Variants in MYO9A observed in about 807,000 individuals in gnomAD.
The protein encoded by MYO9A is unconventional myosin-IXa.
A neutral mutation model predicts 293.3 loss-of-function variants in MYO9A; 103 were observed. That is an observed-to-expected ratio of 0.35 (90% CI 0.30 to 0.41). The LOEUF is 0.41. MYO9A is among the 10% of genes least tolerant of loss of function. The probability of loss-of-function intolerance (pLI) is 1.00; values close to 1 mark genes in which losing one functional copy is unlikely to be tolerated. For synonymous variants in MYO9A, 1,001 were observed against 1,035.7 expected (o/e 0.97, Z 0.64); for missense variants, 2,685 against 3,033.0 (o/e 0.89, Z 2.69).
At chr15:72,096,124 A>G (rs996950573) in intron 1 of MYO9A, among the ~76,000 whole-genome samples, 5 of 149,038 alleles carry the variant, frequency 3.4e-5, no homozygotes, top group African/African-American at 1.2e-4. Context: ...TCACGCCACT[A>G]TACTCTCCAG....
chr15:72,045,223 G>A (rs140933022), intron 2 of MYO9A: 20 of 151,900 alleles, frequency 1.3e-4, no homozygotes, highest in African/African-American at 4.6e-4. Context: ...GTACAGTTAT[G>A]TTTTTATAGT....
intron 13 of MYO9A, among the ~76,000 whole-genome samples, chr15:71,963,718 C>T (rs1375688825): frequency 6.6e-6 from 1 of 152,212 alleles, no homozygotes; most frequent in African/African-American, 2.4e-5. Context: ...TCCCAAAGTG[C>T]TGGGATTACA....
intron 33 of MYO9A, among the ~76,000 whole-genome samples, chr15:71,860,963 T>A: frequency 3.8e-5 from 2 of 52,786 alleles, no homozygotes; most frequent in African/African-American, 1.1e-4. Flanking sequence ...TTAGACTCCA[T>A]CTCACCAAAA....
chr15:72,056,479 T>C (rs1234636490), intron 1 of MYO9A, among the ~76,000 whole-genome samples: 1 of 152,186 alleles, frequency 6.6e-6, no homozygotes, highest in African/African-American at 2.4e-5. Flanking sequence ...CTAAGTGAAG[T>C]AACTCAGGAA....
At position 71,935,431 on chromosome 15, in the gene MYO9A, A is replaced by G. The variant is rs1482418395; in HGVS notation, c.2432T>C (p.Leu811Pro). The G allele has an allele frequency of 1.2e-6, 2 of 1,613,644 alleles. No individual in the cohort carries two copies. The highest frequency in any genetic ancestry group is 2.7e-5 in the African/African-American group (2 of 74,912). ...ATCAAGCAAGGAGGTGCCACTTGATAGTCTGCTCTGGCGAATCCCAGTTCT... is the reference window on the plus strand; with the variant it reads ...ATCAAGCAAGGAGGTGCCACTTGATGGTCTGCTCTGGCGAATCCCAGTTCT... ...NGRTGIRQSR[L>P]SSGTSLLDKD... Residue 811 changes from leucine to proline, a missense_variant, in exon 17 of 42, where the codon CTA (leucine) becomes CCA (proline). By Grantham distance (98) the Leu-to-Pro change is moderately conservative. Around this residue, in one of 10 missense-constraint regions of MYO9A, gnomAD observed 1,434 missense variants for 1,497.7 expected, o/e 0.96. Coordinates refer to ENST00000356056, the MANE Select transcript of MYO9A (RefSeq NM_006901.4).
In MYO9A at chr15:71,822,421, T is replaced by G. The variant is rs1453072778; in HGVS notation, c.*4159A>C. 1 of 151,932 alleles carries G rather than the reference T, an allele frequency of 6.6e-6. No homozygotes were observed. The highest frequency in any genetic ancestry group is 2.4e-5 in the African/African-American group (1 of 41,350). 9.4% of individuals were successfully genotyped at this position (151,932 alleles called of 1,614,324 possible). A position where few individuals can be genotyped will look rare whatever the true frequency, so the allele number is the denominator to read the frequency against. On this transcript the variant is annotated 3_prime_UTR_variant, in exon 42 of 42. Coordinates refer to ENST00000356056, the MANE Select transcript of MYO9A (RefSeq NM_006901.4). Reference sequence around the variant, plus strand: ...TATACAGATGGTATCTTGTTACCCCTCAACCCCCCAGCAAAGAAAAAAAAA... The same window carrying G: ...TATACAGATGGTATCTTGTTACCCCGCAACCCCCCAGCAAAGAAAAAAAAA...
intron 1 of MYO9A, among the ~76,000 whole-genome samples, chr15:72,077,209 T>C (rs1032771530): frequency 6.6e-6 from 1 of 152,176 alleles, no homozygotes; most frequent in Non-Finnish European, 1.5e-5. Flanking sequence ...ATCTCAGCCT[T>C]GGCAATGACG....
intron 15 of MYO9A, among the ~76,000 whole-genome samples, chr15:71,943,174 C>T (rs1452008608): frequency 6.6e-6 from 1 of 151,890 alleles, no homozygotes; most frequent in Non-Finnish European, 1.5e-5. Flanking sequence ...TTCACTCTTT[C>T]ATTTTTTTCC....
chr15:71,976,092 G>T (rs954739364), intron 12 of MYO9A, among the ~76,000 whole-genome samples: 1 of 152,200 alleles, frequency 6.6e-6, no homozygotes, highest in African/African-American at 2.4e-5. Context: ...GGGTCTGAAG[G>T]TGGGGTGAGG....
At chr15:71,986,262 G>A (rs1163497946) in intron 11 of MYO9A, among the ~76,000 whole-genome samples, 1 of 152,172 alleles carries the variant, frequency 6.6e-6, no homozygotes, top group East Asian at 1.9e-4. Flanking sequence ...CAAATACTAT[G>A]CCATTTTACA....
chr15:72,077,752 A>AAATAT (rs2079412621), intron 1 of MYO9A, among the ~76,000 whole-genome samples: 1 of 72,494 alleles, frequency 1.4e-5, no homozygotes, highest in African/African-American at 7.8e-5. Flanking sequence ...AAAAAAAAAA[A>AAATAT]ATATATATAT....
chr15:72,084,255 T>C (rs960025545), intron 1 of MYO9A, among the ~76,000 whole-genome samples: 5 of 152,222 alleles, frequency 3.3e-5, no homozygotes, highest in Non-Finnish European at 5.9e-5. Flanking sequence ...TGCCCTTCTT[T>C]GTCCTTCTTC....
intron 18 of MYO9A, among the ~76,000 whole-genome samples, chr15:71,922,840 G>C (rs2058190408): frequency 6.6e-6 from 1 of 152,076 alleles, no homozygotes. Flanking sequence ...AGGTAATTTA[G>C]TGTCTTCCTC....
chr15:71,826,991 G>GGAAGGTTCAGACTTGCCAGCTGTCTTCA lies in MYO9A; in HGVS notation c.7208_7235dup (p.Ser2413GlufsTer7), dbSNP rs753178538. 1 of 1,612,730 alleles carries GGAAGGTTCAGACTTGCCAGCTGTCTTCA rather than the reference G, an allele frequency of 6.2e-7. No individual in the cohort carries two copies. The highest frequency in any genetic ancestry group is 1.1e-5 in the South Asian group (1 of 90,824). On this transcript the variant is annotated stop_gained and frameshift_variant, in exon 42 of 42. Transcript: ENST00000356056. LOFTEE classifies it high-confidence loss of function. The stretch of plus-strand genomic sequence containing the variant: ...TTTTAAGTTGCTTTCGCAACTTGCT[G>GGAAGGTTCAGACTTGCCAGCTGTCTTCA]GAAGGTTCAGACTTGCCAGCTGTCT...
intron 7 of MYO9A, among the ~76,000 whole-genome samples, chr15:72,009,326 C>T (rs1467565096): frequency 6.6e-6 from 1 of 152,028 alleles, no homozygotes; most frequent in East Asian, 1.9e-4. Context: ...AAATAGCCTG[C>T]TAATTAAAGA....
At chr15:71,851,124 G>T in intron 37 of MYO9A, 129 bp downstream of exon 37, 1 of 713,122 alleles carries the variant, frequency 1.4e-6, no homozygotes, top group Non-Finnish European at 2.3e-6. Context: ...CCACCTGTTT[G>T]AGACACTGAC....
At chr15:71,916,615 A>G in intron 18 of MYO9A, 123 bp from the exon 19 acceptor site, 1 of 912,730 alleles carries the variant, frequency 1.1e-6, no homozygotes, top group Non-Finnish European at 1.6e-6. Context: ...ACTGTAGTGA[A>G]TATGAAAGAC....
chr15:72,011,095 G>A (rs963753088), intron 6 of MYO9A, among the ~76,000 whole-genome samples: 5 of 150,894 alleles, frequency 3.3e-5, no homozygotes, highest in East Asian at 1.9e-4. Context: ...CTGCAGCTTC[G>A]ACCTCCCGGG....
At chr15:72,034,491 G>A (rs1349849617) in intron 2 of MYO9A, among the ~76,000 whole-genome samples, 1 of 152,170 alleles carries the variant, frequency 6.6e-6, no homozygotes, top group Non-Finnish European at 1.5e-5. Flanking sequence ...AGTAAGTCAT[G>A]GAAAAGAGCC....
Sources: allele counts gnomAD v4.1 joint callset (sites outside exome capture counted in the v4.1 genomes callset), GRCh38; gene constraint gnomAD v4.1.1; regional missense constraint gnomAD v4.1.1; transcripts MANE v1.5; gene names NCBI Gene and HGNC (gene_info 2026-07-23, HGNC 2026-07-21).